Variants in PARP10 observed in about 807,000 individuals in gnomAD.
PARP10 encodes poly(ADP-ribose) polymerase family member 10, also known as protein mono-ADP-ribosyltransferase PARP10.
Under a neutral mutation model 82.4 loss-of-function variants are expected in PARP10, and 56 were observed. The observed-to-expected ratio is 0.68, with a 90% CI of 0.55 to 0.85. PARP10 has a LOEUF of 0.85. Ranked by LOEUF, PARP10 falls within the 40% of genes least tolerant of loss-of-function variation. PARP10 has a pLI of 0.00. For missense variants in PARP10, 1,227 were observed against 1,379.4 expected, an observed-to-expected ratio of 0.89 and a Z score of 1.75; for synonymous variants, 576 against 601.1, an observed-to-expected ratio of 0.96 and a Z score of 0.61.
At chr8:143,994,889 C>T (rs1554751155), upstream of PARP10, among the ~76,000 whole-genome samples, 1 of 152,214 alleles carries the variant, frequency 6.6e-6, no homozygotes, top group East Asian at 1.9e-4. Flanking sequence ...GCTCCCAGAC[C>T]CCTCAGGATT....
At chr8:143,990,020 A>G (rs1376923275), upstream of PARP10, 4 of 133,576 alleles carry the variant, frequency 3.0e-5, no homozygotes, top group African/African-American at 1.1e-4. The surrounding 1 kb of genome is among the most constrained non-coding windows in gnomAD (Gnocchi z 5.6). Context: ...TCCCACCCCG[A>G]AGCTCGCCCG....
chr8:144,001,599 G>A (rs782643976), intron 1 of PARP10, among the ~76,000 whole-genome samples: 32 of 152,034 alleles, frequency 2.1e-4, no homozygotes, highest in Non-Finnish European at 7.4e-5. Context: ...CCAGCTACTC[G>A]GGAGGCTGAG....
At chr8:143,990,381 G>T, upstream of PARP10, 1 of 151,446 alleles carries the variant, frequency 6.6e-6, no homozygotes, top group South Asian at 2.0e-4. This position sits in a 1 kb window ranked among gnomAD's most constrained non-coding sequence, Gnocchi z 5.6. Flanking sequence ...GTGGGGGCGG[G>T]GAGCCGCGGC....
upstream of PARP10, chr8:143,992,669 C>T (rs782692075): frequency 8.1e-6 from 13 of 1,613,754 alleles, no homozygotes; most frequent in Admixed American, 1.0e-4. Flanking sequence ...TGTCCCTCAA[C>T]ACCACTGTGC....
At position 143,977,784 on chromosome 8, in the gene PARP10, C is replaced by T. The variant is rs1554746624; in HGVS notation, c.2778G>A (p.Leu926=). The T allele has an allele frequency of 6.2e-7, 1 of 1,603,006 alleles. No individual in the cohort carries two copies. The highest frequency in any genetic ancestry group is 8.5e-7 in the Non-Finnish European group (1 of 1,175,306). Residue 926 remains leucine, a synonymous_variant, in exon 11 of 11, where the codon CTG becomes CTA. Coordinates refer to ENST00000313028, the MANE Select transcript of PARP10 (RefSeq NM_032789.5). The stretch of plus-strand genomic sequence containing the variant: ...GGGGCGAGTAGCGGTCCTGCACCGA[C>T]AGGGAGGCGCGCCTGGCGAAATACA... ...KGVYFARRAS[L]SVQDRYSPPN...
chr8:143,991,346 T>C (rs1554750408), upstream of PARP10: 1 of 1,326,812 alleles, frequency 7.5e-7, no homozygotes, highest in Non-Finnish European at 1.0e-6. Context: ...CTGGGGCCCC[T>C]TACCCACAGC....
upstream of PARP10, chr8:143,991,416 C>A (rs1276955448): frequency 2.2e-6 from 3 of 1,347,922 alleles, no homozygotes; most frequent in Non-Finnish European, 3.0e-6. Flanking sequence ...CAGCCCCTAC[C>A]CCCAAGGGGG....
intron 1 of PARP10, among the ~76,000 whole-genome samples, chr8:144,001,707 A>G (rs1260347226): frequency 6.6e-6 from 1 of 152,072 alleles, no homozygotes; most frequent in African/African-American, 2.4e-5. Context: ...ACTCCATCTC[A>G]AAAAGAGAAG....
At chr8:143,990,043 G>A (rs1225914574), upstream of PARP10, 1 of 119,902 alleles carries the variant, frequency 8.3e-6, no homozygotes, top group Non-Finnish European at 1.8e-5. The surrounding 1 kb of genome is among the most constrained non-coding windows in gnomAD (Gnocchi z 5.6). Flanking sequence ...CCCGCCCCCT[G>A]CCCCGCCCCG....
intron 1 of PARP10, chr8:144,012,372 C>A: frequency 1.5e-6 from 1 of 669,006 alleles, no homozygotes; most frequent in Non-Finnish European, 2.6e-6. Context: ...AGGGCACAGC[C>A]TCTGACCTCA....
chr8:143,998,963 G>T (rs962972822), intron 1 of PARP10, among the ~76,000 whole-genome samples: 19 of 144,332 alleles, frequency 1.3e-4, no homozygotes, highest in African/African-American at 4.9e-4. Context: ...AAAAAAAAAA[G>T]AATCAAATCA....
At position 143,984,539 on chromosome 8, in the gene PARP10, C is replaced by T; in HGVS notation, c.1458+5G>A. On this transcript the variant is annotated splice_donor_5th_base_variant and intron_variant, in intron 5 of 10. Coordinates refer to ENST00000313028, the MANE Select transcript of PARP10 (RefSeq NM_032789.5). ...GAAGGTGAGGAGTCCTGAGGGGTCA[C>T]TCACCCGAAAGCCAGTCATATCCGG... 1.9e-6 allele frequency: 3 copies of T among 1,604,920 alleles called. No homozygotes were observed. Among genetic ancestry groups the T allele is most frequent in the Non-Finnish European group, 2.6e-6 (3 of 1,175,618 alleles).
upstream of PARP10, chr8:143,992,377 A>G: frequency 6.2e-7 from 1 of 1,606,490 alleles, no homozygotes; most frequent in Non-Finnish European, 8.5e-7. Context: ...CATGCAGGTG[A>G]GGGGCCTCCC....
upstream of PARP10, chr8:143,991,906 C>T (rs782121925): frequency 9.9e-6 from 16 of 1,612,290 alleles, no homozygotes; most frequent in South Asian, 5.5e-5. Flanking sequence ...TTGCAGCTGT[C>T]GGTGACCCTG....
intron 1 of PARP10, among the ~76,000 whole-genome samples, chr8:144,003,184 A>T (rs1834213350): frequency 6.6e-6 from 1 of 152,172 alleles, no homozygotes; most frequent in Admixed American, 6.5e-5. Flanking sequence ...GCACTTTGGG[A>T]GGCCAAGGCG....
intron 1 of PARP10, among the ~76,000 whole-genome samples, chr8:143,997,362 A>G (rs1417708720): frequency 1.3e-5 from 2 of 152,050 alleles, no homozygotes; most frequent in African/African-American, 4.8e-5. Context: ...CCTTCCTCCC[A>G]GTCTGGCCAG....
chr8:143,982,493 G>A (rs1030418350), intron 9 of PARP10, among the ~76,000 whole-genome samples: 4 of 152,180 alleles, frequency 2.6e-5, no homozygotes, highest in Non-Finnish European at 5.9e-5. Context: ...AGTGCCCCGC[G>A]CAGTGTCATC....
chr8:144,001,505 A>C (rs1834202585), intron 1 of PARP10, among the ~76,000 whole-genome samples: 2 of 152,246 alleles, frequency 1.3e-5, no homozygotes, highest in South Asian at 4.2e-4. Context: ...TCAGGAGTTC[A>C]AGACCGGCCT....
upstream of PARP10, chr8:143,986,702 C>G (rs1833998159): frequency 4.2e-6 from 2 of 472,580 alleles, no homozygotes; most frequent in Non-Finnish European, 7.7e-6. Flanking sequence ...GCCCTCCACT[C>G]CCCTGGCCTC....
Sources: allele counts gnomAD v4.1 joint callset (sites outside exome capture counted in the v4.1 genomes callset), GRCh38; gene constraint gnomAD v4.1.1; non-coding constraint Gnocchi (gnomAD v3.1); transcripts MANE v1.5; gene names NCBI Gene and HGNC (gene_info 2026-07-23, HGNC 2026-07-21).